Variants in PPIL2 observed in about 807,000 individuals in gnomAD.
PPIL2 encodes RING-type E3 ubiquitin-protein ligase PPIL2.
Under a neutral mutation model 75.2 loss-of-function variants are expected in PPIL2, and 50 were observed. That is an observed-to-expected ratio of 0.66 (90% CI 0.53 to 0.84). The LOEUF is 0.84. Ranked by LOEUF, PPIL2 falls within the 40% of genes least tolerant of loss-of-function variation. The pLI is 0.00. For missense variants in PPIL2, 590 were observed against 685.0 expected, an observed-to-expected ratio of 0.86 and a Z score of 1.55; for synonymous variants, 245 against 258.8, an observed-to-expected ratio of 0.95 and a Z score of 0.51.
rs2067288939 is a variant in PPIL2 at position 21,684,824 on chromosome 22, C to CAGG, written c.628_630dup (p.Glu210dup). On this transcript the variant is annotated inframe_insertion, in exon 10 of 20. Coordinates refer to ENST00000398831, the MANE Select transcript of PPIL2 (RefSeq NM_014337.4). ...AAATGCCGAGACCCGAGAGACCCTG[C>CAGG]AGGAGCTCTACAAGGAGTTCAAAGG... 6.2e-7 allele frequency: 1 copy of CAGG among 1,614,188 alleles called. No individual in the cohort carries two copies. Among genetic ancestry groups the CAGG allele is most frequent in the African/African-American group, 1.3e-5 (1 of 75,064 alleles).
chr22:21,679,749 T>G (rs2067025642), intron 6 of PPIL2, among the ~76,000 whole-genome samples: 1 of 151,360 alleles, frequency 6.6e-6, no homozygotes, highest in Non-Finnish European at 1.5e-5. Context: ...CTCTAACTAA[T>G]TTGAGGCTCT....
intron 4 of PPIL2, 74 bp downstream of exon 4, chr22:21,671,133 A>G: frequency 7.1e-7 from 1 of 1,403,564 alleles, no homozygotes; most frequent in South Asian, 1.2e-5. Flanking sequence ...GACCCTTGGT[A>G]CCCTTGGGTA....
Position 21,687,664 on chromosome 22 carries a change from T to C in PPIL2, c.919T>C (p.Phe307Leu). 1.4e-6 allele frequency: 2 copies of C among 1,446,582 alleles called. No individual in the cohort carries two copies. The highest frequency in any genetic ancestry group is 2.3e-5 in the South Asian group (2 of 88,788). 89.6% of individuals were successfully genotyped at this position (1,446,582 alleles called of 1,614,324 possible). ...GCAGACACCAAAAACCTGCGAAAAC[T>C]TCATCAGGCTTTGCAAGAAGCATTA... ...CDLTPKTCENFIRLCKKHYYD... is the reference protein window; with the variant it reads ...CDLTPKTCENLIRLCKKHYYD... The change falls in exon 13 of 20, where the codon TTC becomes CTC. Residue 307 changes from phenylalanine to leucine, a missense_variant. Transcript: ENST00000398831.
Position 21,672,399 on chromosome 22 carries a change from A to G in PPIL2, c.243+18A>G. ...ATGGAGAGGTAGGTGGCTGTGCAGGAGTTTCAGTGATGCTAGTGAATGCTA... is the reference window on the plus strand; with the variant it reads ...ATGGAGAGGTAGGTGGCTGTGCAGGGGTTTCAGTGATGCTAGTGAATGCTA... On this transcript the variant is annotated intron_variant, in intron 5 of 19. Transcript: ENST00000398831. 6.3e-7 allele frequency: 1 copy of G among 1,588,534 alleles called. No individual in the cohort carries two copies. The highest frequency in any genetic ancestry group is 1.1e-5 in the South Asian group (1 of 90,542).
At chr22:21,680,991 C>T (rs1016608835) in intron 6 of PPIL2, among the ~76,000 whole-genome samples, 6 of 151,928 alleles carry the variant, frequency 3.9e-5, no homozygotes, top group African/African-American at 1.5e-4. Context: ...TGTTTCCTGC[C>T]GAGGGCCAAC....
chr22:21,670,618 G>A lies in PPIL2; in HGVS notation c.128+7G>A. ...TACCTTTTGACCACTGCAGGTAAGA[G>A]TTTTGCGAGTTTACCTTTCCCTTGT... On this transcript the variant is annotated splice_region_variant and intron_variant, in intron 3 of 19. Transcript: ENST00000398831. 6.2e-7 allele frequency: 1 copy of A among 1,605,420 alleles called. No individual in the cohort carries two copies. Among genetic ancestry groups the A allele is most frequent in the Middle Eastern group, 1.7e-4 (1 of 6,042 alleles).
chr22:21,687,525 C>A, intron 12 of PPIL2, 118 bp from the exon 13 acceptor site: 1 of 739,296 alleles, frequency 1.4e-6, no homozygotes, highest in Non-Finnish European at 2.2e-6. Context: ...AGCACTCCAG[C>A]CTGGGCAACA....
chr22:21,688,295 AGGCCTGCAT>A (rs2067465449), intron 14 of PPIL2, among the ~76,000 whole-genome samples, 189 bp downstream of exon 14: 1 of 152,160 alleles, frequency 6.6e-6, no homozygotes, highest in Non-Finnish European at 1.5e-5. Flanking sequence ...GGTGGCTGTG[AGGCCTGCAT>A]GGTAGAGGAG....
chr22:21,668,713 C>T (rs1425375391), intron 1 of PPIL2, among the ~76,000 whole-genome samples: 2 of 95,738 alleles, frequency 2.1e-5, no homozygotes, highest in Non-Finnish European at 3.9e-5. Flanking sequence ...AATAAGATAC[C>T]ATTTTTTTTT....
At chr22:21,692,064 G>A (rs2067667096) in intron 15 of PPIL2, among the ~76,000 whole-genome samples, 2 of 151,886 alleles carry the variant, frequency 1.3e-5, no homozygotes, top group East Asian at 1.9e-4. Flanking sequence ...GTCTTCCATC[G>A]TTTTCTTTTC....
In PPIL2 at chr22:21,694,956, C is replaced by A. The variant is rs2067855781; in HGVS notation, c.1352C>A (p.Thr451Lys). The change falls in exon 19 of 20, where the codon ACA becomes AAA. Residue 451 changes from threonine to lysine, a missense_variant. By Grantham distance (78) the Thr-to-Lys change is moderately conservative. Coordinates refer to ENST00000398831, the MANE Select transcript of PPIL2 (RefSeq NM_014337.4). Reference sequence around the variant, plus strand: ...CCACAGATTGCGCAGGAGCGGAAGACACAGCTCAAGGTAGCCCCGGAGACC... The same window carrying A: ...CCACAGATTGCGCAGGAGCGGAAGAAACAGCTCAAGGTAGCCCCGGAGACC... ...ADAQIAQERK[T>K]QLKVAPETKV... 1.9e-6 allele frequency: 3 copies of A among 1,613,822 alleles called. No homozygotes were observed. Among genetic ancestry groups the A allele is most frequent in the Non-Finnish European group, 2.5e-6 (3 of 1,179,950 alleles).
At chr22:21,666,578 G>A (rs947289357) in intron 1 of PPIL2, among the ~76,000 whole-genome samples, 12 of 152,164 alleles carry the variant, frequency 7.9e-5, no homozygotes, top group Non-Finnish European at 1.5e-4. Flanking sequence ...GGAGGCCGAG[G>A]CGGGCGGATC....
intron 16 of PPIL2, among the ~76,000 whole-genome samples, chr22:21,694,331 G>GT (rs542543312): frequency 9.7e-4 from 147 of 152,042 alleles, no homozygotes; most frequent in Middle Eastern, 6.8e-3. Context: ...CACAAGCCAC[G>GT]TTTTGTGACT....
intron 5 of PPIL2, among the ~76,000 whole-genome samples, chr22:21,672,695 A>C (rs2066682102): frequency 6.6e-6 from 1 of 152,228 alleles, no homozygotes; most frequent in South Asian, 2.1e-4. Context: ...ACAGGTTCCC[A>C]GTGAGCATCA....
chr22:21,681,201 C>A, intron 6 of PPIL2, 98 bp from the exon 7 acceptor site: 1 of 994,888 alleles, frequency 1.0e-6, no homozygotes, highest in Non-Finnish European at 1.6e-6. Flanking sequence ...CCATCGCTGA[C>A]TTTGGAGTTC....
At chr22:21,687,947 C>T in intron 13 of PPIL2, 126 bp from the exon 14 acceptor site, 1 of 1,300,770 alleles carries the variant, frequency 7.7e-7, no homozygotes, top group Non-Finnish European at 1.1e-6. Context: ...TGGGAGGGCC[C>T]CTCATTATCA....
At chr22:21,693,726 G>A in intron 15 of PPIL2, 90 bp from the exon 16 acceptor site, 2 of 1,306,808 alleles carry the variant, frequency 1.5e-6, no homozygotes, top group East Asian at 2.3e-5. Context: ...AGAGCTGGCT[G>A]TAGAGGGTGG....
In PPIL2 at chr22:21,695,505, C is replaced by T. The variant is rs1365571622; in HGVS notation, c.*15C>T. On this transcript the variant is annotated 3_prime_UTR_variant, in exon 20 of 20. Transcript: ENST00000398831. ...GCTCCTGGTAGCAGCAGGTTGGCCG[C>T]TGTGGACCTTGGTGGGGTTGCAGGG... is the stretch of plus-strand genomic sequence containing the variant. 1.9e-6 allele frequency: 3 copies of T among 1,582,866 alleles called. No homozygotes were observed.
intron 1 of PPIL2, among the ~76,000 whole-genome samples, chr22:21,667,159 T>G (rs1344943901): frequency 6.7e-6 from 1 of 149,738 alleles, no homozygotes; most frequent in East Asian, 1.9e-4. Flanking sequence ...CTCATTTTTT[T>G]TTTTTTTTTT....
Sources: allele counts gnomAD v4.1 joint callset (sites outside exome capture counted in the v4.1 genomes callset), GRCh38; gene constraint gnomAD v4.1.1; transcripts MANE v1.5; gene names NCBI Gene and HGNC (gene_info 2026-07-23, HGNC 2026-07-21).